Variants in TMTC2 observed in about 807,000 individuals in gnomAD.
TMTC2 encodes the protein protein O-mannosyl-transferase TMTC2.
A neutral mutation model predicts 82.4 loss-of-function variants in TMTC2; 43 were observed. The ratio of observed to expected loss-of-function variants is 0.52; its 90% confidence interval spans 0.41 to 0.67. The LOEUF is 0.67. Ranked by LOEUF, TMTC2 falls within the 30% of genes least tolerant of loss-of-function variation. TMTC2 has a pLI of 0.00. For missense variants in TMTC2, 919 were observed against 1,012.4 expected, an observed-to-expected ratio of 0.91 and a Z score of 1.25; for synonymous variants, 408 against 381.9, an observed-to-expected ratio of 1.07 and a Z score of -0.80.
At chr12:83,081,728 A>C (rs893200060) in intron 11 of TMTC2, among the ~76,000 whole-genome samples, 1 of 152,194 alleles carries the variant, frequency 6.6e-6, no homozygotes, top group African/African-American at 2.4e-5. Context: ...GAAGGAAAAA[A>C]ATAATCTACT....
intron 9 of TMTC2, among the ~76,000 whole-genome samples, chr12:83,046,841 C>A (rs1882159677): frequency 6.6e-6 from 1 of 152,106 alleles, no homozygotes; most frequent in African/African-American, 2.4e-5. Flanking sequence ...GTGGGGTGAC[C>A]ATATTGGGAC....
At chr12:83,089,515 A>C (rs932182198) in intron 11 of TMTC2, among the ~76,000 whole-genome samples, 10 of 152,170 alleles carry the variant, frequency 6.6e-5, no homozygotes, top group African/African-American at 2.4e-4. Flanking sequence ...TTTTTTATGC[A>C]CCTTTACACA....
intron 1 of TMTC2, among the ~76,000 whole-genome samples, chr12:82,800,160 C>G (rs537346176): frequency 6.6e-6 from 1 of 152,042 alleles, no homozygotes; most frequent in Admixed American, 6.6e-5. Flanking sequence ...AATAGTGTCT[C>G]TCTCACAGAG....
chr12:82,879,833 G>A (rs776802332), intron 2 of TMTC2, among the ~76,000 whole-genome samples: 2 of 152,128 alleles, frequency 1.3e-5, no homozygotes, highest in Admixed American at 6.5e-5. Context: ...CATAATTAGC[G>A]TTGCCACTAA....
intron 11 of TMTC2, among the ~76,000 whole-genome samples, chr12:83,122,834 C>A (rs1171520928): frequency 6.6e-6 from 1 of 152,170 alleles, no homozygotes; most frequent in African/African-American, 2.4e-5. Flanking sequence ...TCTAGTCCTG[C>A]CTCCCGTCTG....
rs574593821 is a variant in TMTC2, at chr12:82,896,548, T to G, written c.1385T>G (p.Leu462Arg). 1 of 1,614,168 alleles carries G rather than the reference T, an allele frequency of 6.2e-7. No homozygotes were observed. The highest frequency in any genetic ancestry group is 1.1e-5 in the South Asian group (1 of 91,078). ...TTGATTTTTTATGCTACAGCTACACTAATTGTTTTTTATGGACTCAAGACT... is the reference window on the plus strand; with the variant it reads ...TTGATTTTTTATGCTACAGCTACACGAATTGTTTTTTATGGACTCAAGACT... ...KSLIFYATATLIVFYGLKTAI... is the reference protein window; with the variant it reads ...KSLIFYATATRIVFYGLKTAI... The change falls in exon 3 of 12, where the codon CTA (leucine) becomes CGA (arginine). Residue 462 changes from leucine (L) to arginine (R), a missense_variant. By Grantham distance (102) the Leu-to-Arg change is moderately radical. Coordinates refer to ENST00000321196, the MANE Select transcript of TMTC2 (RefSeq NM_152588.3).
intron 1 of TMTC2, among the ~76,000 whole-genome samples, chr12:82,844,734 G>A (rs1221836763): frequency 3.3e-5 from 5 of 151,384 alleles, no homozygotes; most frequent in African/African-American, 9.7e-5. Flanking sequence ...CCCAGGAGGC[G>A]GAGCTTGCAG....
At chr12:83,112,278 T>G in intron 11 of TMTC2, among the ~76,000 whole-genome samples, 1 of 152,038 alleles carries the variant, frequency 6.6e-6, no homozygotes, top group Admixed American at 6.6e-5. Flanking sequence ...CGTGGACAGG[T>G]TTTAGAGTTG....
At chr12:82,699,487 T>C (rs188576529) in intron 1 of TMTC2, among the ~76,000 whole-genome samples, 329 of 152,314 alleles carry the variant, frequency 2.2e-3, no homozygotes, top group African/African-American at 7.6e-3. Context: ...TCATGGTCTC[T>C]CTCTTCATTG....
chr12:83,008,306 T>C (rs1442985364), intron 8 of TMTC2, among the ~76,000 whole-genome samples: 1 of 152,212 alleles, frequency 6.6e-6, no homozygotes, highest in Non-Finnish European at 1.5e-5. Flanking sequence ...CCTTCTGATA[T>C]TCCAATTGCC....
intron 2 of TMTC2, among the ~76,000 whole-genome samples, chr12:82,858,821 T>G (rs2292249): frequency 0.39 from 59,805 of 152,012 alleles, 14,253 homozygotes; most frequent in East Asian, 0.68. Context: ...GAAAACAACA[T>G]ATGGTTTGAA....
intron 1 of TMTC2, among the ~76,000 whole-genome samples, chr12:82,754,938 A>C (rs1782396307): frequency 6.6e-6 from 1 of 152,258 alleles, no homozygotes; most frequent in Admixed American, 6.5e-5. Flanking sequence ...AACTGTAGAA[A>C]GCATCTCAGA....
intron 4 of TMTC2, among the ~76,000 whole-genome samples, chr12:82,940,270 G>A (rs999010530): frequency 6.6e-6 from 1 of 151,838 alleles, no homozygotes; most frequent in East Asian, 1.9e-4. Flanking sequence ...GCCCACCTTG[G>A]CCTCCCAAAG....
chr12:82,768,389 C>T (rs1877096443), intron 1 of TMTC2, among the ~76,000 whole-genome samples: 1 of 152,164 alleles, frequency 6.6e-6, no homozygotes, highest in Admixed American at 6.5e-5. Context: ...TAGAACACTT[C>T]TGATTTTCTG....
intron 1 of TMTC2, among the ~76,000 whole-genome samples, chr12:82,770,018 G>T (rs1877200834): frequency 6.6e-6 from 1 of 152,178 alleles, no homozygotes; most frequent in Non-Finnish European, 1.5e-5. Context: ...TATTGAAAAT[G>T]ATATATTTTA....
At chr12:82,800,372 C>G (rs1489457172) in intron 1 of TMTC2, among the ~76,000 whole-genome samples, 2 of 152,152 alleles carry the variant, frequency 1.3e-5, no homozygotes, top group African/African-American at 4.8e-5. Context: ...TCACCTCTGT[C>G]TGCTACAAGT....
chr12:82,787,390 T>A (rs1878226864), intron 1 of TMTC2, among the ~76,000 whole-genome samples: 1 of 152,144 alleles, frequency 6.6e-6, no homozygotes, highest in Non-Finnish European at 1.5e-5. Flanking sequence ...GGTTTAGACT[T>A]TATTCTTAAA....
chr12:82,853,282 T>G (rs2137109776), intron 1 of TMTC2, among the ~76,000 whole-genome samples: 1 of 152,198 alleles, frequency 6.6e-6, no homozygotes, highest in South Asian at 2.1e-4. Context: ...TTTGTATTTT[T>G]AGTAGAGATG....
intron 1 of TMTC2, among the ~76,000 whole-genome samples, chr12:82,749,501 T>C (rs1256154898): frequency 6.6e-6 from 1 of 152,096 alleles, no homozygotes; most frequent in African/African-American, 2.4e-5. Context: ...TTTTGTTTTT[T>C]TTTAATTTGG....
Sources: allele counts gnomAD v4.1 joint callset (sites outside exome capture counted in the v4.1 genomes callset), GRCh38; gene constraint gnomAD v4.1.1; transcripts MANE v1.5; gene names NCBI Gene and HGNC (gene_info 2026-07-23, HGNC 2026-07-21).